Variants in ANP32A observed in about 807,000 individuals in gnomAD.
The protein encoded by ANP32A is acidic nuclear phosphoprotein 32 family member A.
A neutral mutation model predicts 33.9 loss-of-function variants in ANP32A; 1 was observed. The ratio of observed to expected loss-of-function variants is 0.03; its 90% CI spans 0.01 to 0.14. The LOEUF is 0.14. ANP32A is among the 10% of genes least tolerant of loss of function. The probability of loss-of-function intolerance (pLI) is 1.00; values close to 1 mark genes in which losing one functional copy is unlikely to be tolerated. For missense variants in ANP32A, 155 were observed against 306.0 expected, an observed-to-expected ratio of 0.51 and a Z score of 3.68; for synonymous variants, 115 against 120.5, an observed-to-expected ratio of 0.95 and a Z score of 0.30.
At chr15:68,817,533 T>A (rs936764066) in intron 1 of ANP32A, 1 of 152,550 alleles carries the variant, frequency 6.6e-6, no homozygotes, top group Non-Finnish European at 1.5e-5. Context: ...GAACCTCATG[T>A]TTAATGTTCC....
chr15:68,820,039 A>G (rs1894449635), intron 1 of ANP32A, among the ~76,000 whole-genome samples: 1 of 152,076 alleles, frequency 6.6e-6, no homozygotes, highest in Admixed American at 6.5e-5. Flanking sequence ...TCGCCTCATC[A>G]CTGCAAAGAA....
intron 1 of ANP32A, among the ~76,000 whole-genome samples, chr15:68,816,656 G>C (rs2140376141): frequency 6.6e-6 from 1 of 152,218 alleles, no homozygotes; most frequent in Non-Finnish European, 1.5e-5. Flanking sequence ...TGATTAAATA[G>C]GATTATTCCG....
chr15:68,781,753 A>G (rs1475098604), intron 5 of ANP32A: 1 of 152,572 alleles, frequency 6.6e-6, no homozygotes, highest in South Asian at 2.0e-4. Context: ...ATAGGCATCC[A>G]TCAACATGCC....
chr15:68,800,793 A>G (rs1248077446), intron 1 of ANP32A, among the ~76,000 whole-genome samples: 2 of 150,766 alleles, frequency 1.3e-5, no homozygotes, highest in Admixed American at 6.7e-5. Context: ...CAATAGTGAC[A>G]AGGGACACTA....
intron 1 of ANP32A, among the ~76,000 whole-genome samples, chr15:68,813,703 T>C (rs1596076021): frequency 1.3e-5 from 2 of 152,264 alleles, no homozygotes; most frequent in African/African-American, 4.8e-5. Flanking sequence ...ACCAGAGCTA[T>C]GAGCCTCCTC....
At chr15:68,813,947 G>GC (rs1894346267) in intron 1 of ANP32A, among the ~76,000 whole-genome samples, 1 of 133,682 alleles carries the variant, frequency 7.5e-6, no homozygotes, top group South Asian at 2.5e-4. Context: ...TCTGCTCACT[G>GC]CAAGTTCTGC....
intron 1 of ANP32A, among the ~76,000 whole-genome samples, chr15:68,789,087 T>C (rs1893968586): frequency 6.6e-6 from 1 of 152,170 alleles, no homozygotes; most frequent in African/African-American, 2.4e-5. Flanking sequence ...AGAGTTCTCC[T>C]TCCTGCCCCA....
chr15:68,784,693 C>T (rs12442034), intron 3 of ANP32A, 98 bp from the exon 4 acceptor site: 97 of 1,356,644 alleles, frequency 7.2e-5, no homozygotes, highest in Admixed American at 9.3e-5. Flanking sequence ...AGATAGCATG[C>T]GCAGACCATG....
chr15:68,811,926 A>G (rs1894318038), intron 1 of ANP32A, among the ~76,000 whole-genome samples: 4 of 150,438 alleles, frequency 2.7e-5, no homozygotes, highest in Admixed American at 2.0e-4. Flanking sequence ...TATTTTTAGT[A>G]GAGACAAGGC....
intron 1 of ANP32A, among the ~76,000 whole-genome samples, chr15:68,803,887 C>T (rs1040669216): frequency 3.5e-4 from 53 of 150,194 alleles, no homozygotes; most frequent in African/African-American, 1.2e-3. Context: ...CTACAACCTC[C>T]GCCTCCCAGG....
At chr15:68,807,506 C>G (rs1238903918) in intron 1 of ANP32A, among the ~76,000 whole-genome samples, 4 of 151,946 alleles carry the variant, frequency 2.6e-5, no homozygotes. Context: ...GAGGCCTCCT[C>G]CTGGGGCAGG....
At chr15:68,816,105 T>C (rs1894376420) in intron 1 of ANP32A, among the ~76,000 whole-genome samples, 1 of 152,172 alleles carries the variant, frequency 6.6e-6, no homozygotes, top group Admixed American at 6.5e-5. Context: ...CCACAGCCCC[T>C]GGTCCTGAAC....
intron 1 of ANP32A, among the ~76,000 whole-genome samples, chr15:68,807,886 A>C (rs1479996529): frequency 2.0e-5 from 3 of 152,190 alleles, no homozygotes; most frequent in Admixed American, 6.5e-5. Context: ...AGAGCTGGAC[A>C]TGAAGGATGG....
At chr15:68,785,149 T>G (rs1429442412) in intron 3 of ANP32A, among the ~76,000 whole-genome samples, 1 of 152,132 alleles carries the variant, frequency 6.6e-6, no homozygotes, top group Non-Finnish European at 1.5e-5. Flanking sequence ...GGCACAGGAT[T>G]TGGTAATTCA....
chr15:68,780,381 AC>A lies in ANP32A; in HGVS notation c.688+28del. ...GCCAAAGTGAAAGGGCCAGGCTGCTACCAGCTGAGAGTAAAAAGGCTGCCAT... is the reference window on the plus strand; with the variant it reads ...GCCAAAGTGAAAGGGCCAGGCTGCTACAGCTGAGAGTAAAAAGGCTGCCAT... On this transcript the variant is annotated intron_variant, in intron 6 of 6. Coordinates refer to ENST00000465139, the MANE Select transcript of ANP32A (RefSeq NM_006305.4). This position sits in a 1 kb window ranked among gnomAD's most constrained non-coding sequence, Gnocchi z 4.3. 6.2e-7 allele frequency: 1 copy of A among 1,613,906 alleles called. No individual in the cohort carries two copies. Among genetic ancestry groups the A allele is most frequent in the Non-Finnish European group, 8.5e-7 (1 of 1,179,838 alleles).
At chr15:68,812,170 C>A (rs1024757729) in intron 1 of ANP32A, among the ~76,000 whole-genome samples, 4 of 152,090 alleles carry the variant, frequency 2.6e-5, no homozygotes, top group African/African-American at 9.7e-5. Flanking sequence ...CCTCATTTTG[C>A]GGAGACAAAA....
chr15:68,805,726 A>G (rs1371177897), intron 1 of ANP32A, among the ~76,000 whole-genome samples: 1 of 152,190 alleles, frequency 6.6e-6, no homozygotes, highest in Admixed American at 6.5e-5. Context: ...TCAGAAGTCC[A>G]GTGTAAGGCA....
At chr15:68,787,716 C>T in intron 2 of ANP32A, 54 bp downstream of exon 2, 1 of 1,609,138 alleles carries the variant, frequency 6.2e-7, no homozygotes, top group Non-Finnish European at 8.5e-7. Context: ...AGGTAATAAC[C>T]CTTCCCACTC....
intron 1 of ANP32A, among the ~76,000 whole-genome samples, chr15:68,807,148 G>A (rs988936080): frequency 6.6e-6 from 1 of 152,234 alleles, no homozygotes; most frequent in East Asian, 1.9e-4. Context: ...ATGTCACCTA[G>A]GTGGACACAG....
Sources: gnomAD v4.1 joint callset for allele counts (sites outside exome capture counted in the v4.1 genomes callset) on GRCh38, gnomAD v4.1.1 for gene constraint, Gnocchi (gnomAD v3.1) non-coding constraint, MANE v1.5 for transcripts, NCBI Gene and HGNC (gene_info 2026-07-23, HGNC 2026-07-21) for gene names.